PRUNE2: variants seen among roughly 807,000 people sequenced by gnomAD.
The protein encoded by PRUNE2 is protein prune homolog 2.
A neutral mutation model predicts 252.0 loss-of-function variants in PRUNE2; 164 were observed. The ratio of observed to expected loss-of-function variants is 0.65; its 90% CI spans 0.57 to 0.74. The LOEUF is 0.74. PRUNE2 is among the 30% of genes least tolerant of loss of function. The pLI is 0.00. For missense variants in PRUNE2, 3,495 were observed against 3,711.0 expected (o/e 0.94, Z 1.51); for synonymous variants, 1,292 against 1,350.2 (o/e 0.96, Z 0.94).
intron 4 of PRUNE2, among the ~76,000 whole-genome samples, chr9:76,827,520 C>G (rs1188053960): frequency 2.0e-5 from 3 of 152,174 alleles, no homozygotes; most frequent in Non-Finnish European, 4.4e-5. Flanking sequence ...AGAAGTTTCG[C>G]TTAATGACAA....
chr9:76,882,926 G>A lies in PRUNE2; in HGVS notation c.36+23002C>T, dbSNP rs575518265. ...AGATAAAAATAATTTAGAGGCAGGA[G>A]GGCTGCAACCAAGCCCAGAGCTGCT... is the stretch of plus-strand genomic sequence containing the variant. On this transcript the variant is annotated intron_variant, in intron 1 of 18. Transcript: ENST00000376718. Among the ~76,000 whole-genome samples the A allele has an allele frequency of 1.6e-3, 244 of 152,250 alleles. 1 individual carries two copies. The highest frequency in any genetic ancestry group is 5.6e-3 in the African/African-American group (234 of 41,552).
intron 9 of PRUNE2, among the ~76,000 whole-genome samples, chr9:76,699,027 T>TCCCTCC (rs1554704905): frequency 7.2e-6 from 1 of 139,758 alleles, no homozygotes. Flanking sequence ...TCTCTTCTCC[T>TCCCTCC]TCCCCACCCC....
chr9:76,632,225 G>C (rs1057156513), intron 15 of PRUNE2, among the ~76,000 whole-genome samples: 2 of 152,296 alleles, frequency 1.3e-5, no homozygotes, highest in Non-Finnish European at 2.9e-5. Context: ...TCTCCAAACT[G>C]CCAATAACTC....
rs536938457 is a variant in PRUNE2 at position 76,792,687 on chromosome 9, A to G, written c.756+30945T>C. On this transcript the variant is annotated intron_variant, in intron 6 of 18. Transcript: ENST00000376718. The stretch of plus-strand genomic sequence containing the variant: ...AAGATAAATATTTTTTCACAGATTT[A>G]TTAGCTATTTAAGTCTTTTGTTCTT... 1.1e-4 allele frequency among the ~76,000 whole-genome samples: 17 copies of G among 152,356 alleles called. No individual in the cohort carries two copies. In the East Asian group the frequency reaches 3.3e-3, roughly 29 times the overall value.
At chr9:76,719,624 G>C (rs1444822845) in intron 6 of PRUNE2, among the ~76,000 whole-genome samples, 2 of 149,752 alleles carry the variant, frequency 1.3e-5, no homozygotes, top group African/African-American at 2.5e-5. Context: ...CTCTCTAAAA[G>C]AAAAAAAAGA....
chr9:76,755,523 C>CA (rs1224108742), intron 6 of PRUNE2, among the ~76,000 whole-genome samples: 10 of 151,966 alleles, frequency 6.6e-5, no homozygotes, highest in African/African-American at 9.7e-5. Context: ...GGGGTGTGGA[C>CA]AAAGAACGCT....
At chr9:76,880,114 C>T (rs2061693343) in intron 1 of PRUNE2, among the ~76,000 whole-genome samples, 2 of 151,524 alleles carry the variant, frequency 1.3e-5, no homozygotes, top group South Asian at 2.1e-4. Flanking sequence ...AGAGTTTCAC[C>T]GTGTTAGCCA....
At chr9:76,801,499 T>TG (rs144500741) in intron 6 of PRUNE2, among the ~76,000 whole-genome samples, 5,151 of 152,222 alleles carry the variant, frequency 0.034, 85 homozygotes, top group East Asian at 0.067. Flanking sequence ...TTTTTTGAAA[T>TG]GAGCAACTCT....
intron 4 of PRUNE2, among the ~76,000 whole-genome samples, chr9:76,837,885 C>T (rs2059132806): frequency 6.6e-6 from 1 of 151,558 alleles, no homozygotes; most frequent in East Asian, 1.9e-4. Context: ...CATTCTCCTG[C>T]CTCAGCCTCC....
intron 6 of PRUNE2, chr9:76,764,375 G>C (rs2052098220): frequency 6.6e-6 from 1 of 152,296 alleles, no homozygotes. Flanking sequence ...TATGTGGGTT[G>C]GCATTCTTGC....
rs769928062 is a variant in PRUNE2 at position 76,823,625 on chromosome 9, C to A, written c.756+7G>T. Reference sequence around the variant, plus strand: ...AATCAATGCTAAAAAAGCATTCCCACCCTTACCTCAAGGTTCATGCTCACA... The same window carrying A: ...AATCAATGCTAAAAAAGCATTCCCAACCTTACCTCAAGGTTCATGCTCACA... On this transcript the variant is annotated splice_region_variant and intron_variant, in intron 6 of 18. Transcript: ENST00000376718. 1.4e-5 allele frequency: 22 copies of A among 1,552,446 alleles called. No homozygotes were observed. The South Asian group carries it at 2.0e-4, about 14-fold the overall frequency.
At chr9:76,784,560 C>T (rs888946497) in intron 6 of PRUNE2, 3 of 152,198 alleles carry the variant, frequency 2.0e-5, no homozygotes, top group Non-Finnish European at 4.4e-5. Context: ...CAACATTCTC[C>T]ATATATCCAG....
chr9:76,817,531 T>C (rs1274234981), intron 6 of PRUNE2, among the ~76,000 whole-genome samples: 1 of 151,976 alleles, frequency 6.6e-6, no homozygotes, highest in African/African-American at 2.4e-5. Context: ...CCAGACCAGA[T>C]CCATAAAAAA....
intron 11 of PRUNE2, chr9:76,652,066 C>T (rs967918701): frequency 3.8e-5 from 6 of 156,058 alleles, no homozygotes; most frequent in African/African-American, 9.6e-5. Context: ...GAGTCAGTCA[C>T]GTAAGGATCT....
At chr9:76,745,859 C>A (rs918258517) in intron 6 of PRUNE2, among the ~76,000 whole-genome samples, 4 of 152,242 alleles carry the variant, frequency 2.6e-5, no homozygotes, top group African/African-American at 9.6e-5. Context: ...ACTCATCCCT[C>A]TCTCCGACCA....
chr9:76,714,316 C>T (rs146545418), intron 6 of PRUNE2, among the ~76,000 whole-genome samples: 2 of 152,118 alleles, frequency 1.3e-5, no homozygotes, highest in Non-Finnish European at 2.9e-5. Context: ...GATCCCAATA[C>T]CTCAGATTAC....
chr9:76,653,872 C>T (rs1848327097), intron 10 of PRUNE2, among the ~76,000 whole-genome samples: 1 of 152,090 alleles, frequency 6.6e-6, no homozygotes, highest in African/African-American at 2.4e-5. Flanking sequence ...ATGCATCTTC[C>T]CGCTCAGCTG....
intron 17 of PRUNE2, among the ~76,000 whole-genome samples, chr9:76,620,462 GACAA>G (rs959972296): frequency 2.6e-5 from 4 of 152,050 alleles, no homozygotes; most frequent in African/African-American, 9.7e-5. Flanking sequence ...TTTTATTATT[GACAA>G]ACAAACACTA....
At chr9:76,799,834 T>C (rs751243966) in intron 6 of PRUNE2, among the ~76,000 whole-genome samples, 2 of 152,196 alleles carry the variant, frequency 1.3e-5, no homozygotes, top group Non-Finnish European at 2.9e-5. Context: ...CACTCAAATA[T>C]GACAGGAACA....
Sources: allele counts gnomAD v4.1 joint callset (sites outside exome capture counted in the v4.1 genomes callset), GRCh38; gene constraint gnomAD v4.1.1; transcripts MANE v1.5; gene names NCBI Gene and HGNC (gene_info 2026-07-23, HGNC 2026-07-21).